Variants in RYR3 observed in about 807,000 individuals in gnomAD.
RYR3 encodes brain ryanodine receptor-calcium release channel.
RYR3 carries 207 observed loss-of-function variants against 584.3 expected under a neutral mutation model. The ratio of observed to expected loss-of-function variants is 0.35; its 90% confidence interval spans 0.32 to 0.40. The LOEUF (loss-of-function observed/expected upper bound fraction) is 0.40, where lower values mean the gene tolerates loss of function less well. Ranked by LOEUF, RYR3 falls within the 10% of genes least tolerant of loss-of-function variation. The pLI, the probability that RYR3 is intolerant of heterozygous loss-of-function variation, is 1.00. For missense variants in RYR3, 5,616 were observed against 6,089.2 expected (o/e 0.92, Z 2.59); for synonymous variants, 2,416 against 2,248.5 (o/e 1.07, Z -2.11).
chr15:33,461,013 T>G (rs2676091), intron 1 of RYR3, among the ~76,000 whole-genome samples: 10 of 143,100 alleles, frequency 7.0e-5, no homozygotes, highest in Non-Finnish European at 1.1e-4. Context: ...GGCGTGATCT[T>G]GGCTCACTGC....
chr15:33,367,762 T>C (rs1975708525), intron 1 of RYR3, among the ~76,000 whole-genome samples: 1 of 152,188 alleles, frequency 6.6e-6, no homozygotes, highest in Non-Finnish European at 1.5e-5. Context: ...CTGAAACTAA[T>C]CCTGGTAGCA....
intron 1 of RYR3, among the ~76,000 whole-genome samples, chr15:33,382,258 G>GT (rs1164129177): frequency 2.0e-5 from 3 of 150,886 alleles, no homozygotes; most frequent in Non-Finnish European, 4.4e-5. Context: ...TTAAAACTTG[G>GT]TTGTGCATTA....
At chr15:33,698,134 G>C in intron 40 of RYR3, 138 bp downstream of exon 40, 2 of 654,168 alleles carry the variant, frequency 3.1e-6, no homozygotes, top group Non-Finnish European at 5.6e-6. Context: ...ACAGTGCCAA[G>C]AAGGAGCCAA....
At chr15:33,472,411 A>G (rs11858432) in intron 1 of RYR3, among the ~76,000 whole-genome samples, 21,324 of 152,254 alleles carry the variant, frequency 0.14, 3,879 homozygotes, top group African/African-American at 0.42. Flanking sequence ...CTTTCCAACA[A>G]GACAATCTCT....
intron 1 of RYR3, among the ~76,000 whole-genome samples, chr15:33,420,543 G>A (rs576438847): frequency 1.3e-5 from 2 of 152,232 alleles, no homozygotes; most frequent in African/African-American, 4.8e-5. Flanking sequence ...TCCTGATGAG[G>A]TAGAAATCTA....
chr15:33,543,956 T>C (rs1019461041), intron 8 of RYR3, among the ~76,000 whole-genome samples: 7 of 152,192 alleles, frequency 4.6e-5, no homozygotes, highest in Non-Finnish European at 7.4e-5. Context: ...CCCTTCATTT[T>C]CTTTGGCTCT....
intron 52 of RYR3, among the ~76,000 whole-genome samples, chr15:33,744,333 A>G (rs576018734): frequency 6.6e-6 from 1 of 152,170 alleles, no homozygotes; most frequent in Non-Finnish European, 1.5e-5. Context: ...TCAATTTTAC[A>G]TTCACTTGTA....
chr15:33,825,782 G>T lies in RYR3; in HGVS notation c.11146+106G>T, dbSNP rs569700061. On this transcript the variant is annotated intron_variant, in intron 82 of 103. Coordinates refer to ENST00000634891, the MANE Select transcript of RYR3 (RefSeq NM_001036.6). ...AGTTTCGCTCTTGTTGCTCAGGCTG[G>T]ACTGCAGTGGCGCGATCTCACCTCA... The T allele has an allele frequency of 5.6e-5, 39 of 695,670 alleles. No homozygotes were observed. In the South Asian group the frequency reaches 7.2e-4, roughly 13 times the overall value. The allele number at this position is 695,670 out of a possible 1,614,324, so 43.1% of individuals were successfully genotyped here. A position where few individuals can be genotyped will look rare whatever the true frequency, so the allele number is the denominator to read the frequency against.
chr15:33,488,783 G>A (rs1353334048), intron 2 of RYR3, among the ~76,000 whole-genome samples: 4 of 152,028 alleles, frequency 2.6e-5, no homozygotes, highest in Non-Finnish European at 5.9e-5. Context: ...CCCAGGAGGC[G>A]GGGGTTGCAG....
chr15:33,663,686 G>T lies in RYR3; in HGVS notation c.5568G>T (p.Ala1856=). 2 of 1,611,908 alleles carry T rather than the reference G, an allele frequency of 1.2e-6. No individual in the cohort carries two copies. The highest frequency in any genetic ancestry group is 1.7e-6 in the Non-Finnish European group (2 of 1,179,324). ...NELMQALNMS[A]ALTARKTKEF... ...TCATGCAGGCCCTGAACATGTCTGC[G>T]GCCCTGACTGCCCGGAAGACCAAGG... The change falls in exon 36 of 104, where the codon GCG becomes GCT. Residue 1856 remains alanine, a synonymous_variant. Coordinates refer to ENST00000634891, the MANE Select transcript of RYR3 (RefSeq NM_001036.6).
Position 33,601,532 on chromosome 15 carries a change from A to T in RYR3, c.1902A>T (p.Arg634=). Residue 634 remains arginine (R), a synonymous_variant, in exon 17 of 104, where the codon CGA becomes CGT. Coordinates refer to ENST00000634891, the MANE Select transcript of RYR3 (RefSeq NM_001036.6). ...LPRRNLLLQT[R]LINDVTSIRP... is the part of the protein sequence containing the mutation. Reference sequence around the variant, plus strand: ...GGAGAAACCTACTCCTGCAGACACGACTGATTAACGATGTAACCAGGTAAG... The same window carrying T: ...GGAGAAACCTACTCCTGCAGACACGTCTGATTAACGATGTAACCAGGTAAG... The T allele has an allele frequency of 6.2e-7, 1 of 1,613,728 alleles. No homozygotes were observed. The highest frequency in any genetic ancestry group is 8.5e-7 in the Non-Finnish European group (1 of 1,179,798).
chr15:33,631,261 G>A lies in RYR3; in HGVS notation c.2835G>A (p.Glu945=), dbSNP rs2152631552. The change falls in exon 23 of 104, where the codon GAG becomes GAA. Residue 945 remains glutamate (E), a synonymous_variant. Transcript: ENST00000634891. ...TTGCTCATGTTAACCCAGCTGCTGA[G>A]GAGGATCTCAAGAAGGTCAAACTGC... is the stretch of plus-strand genomic sequence containing the variant. ...CHIAHVNPAA[E]EDLKKVKLPK... 4.4e-6 allele frequency: 7 copies of A among 1,590,576 alleles called. No individual in the cohort carries two copies. Among genetic ancestry groups the A allele is most frequent in the Non-Finnish European group, 4.3e-6 (5 of 1,167,594 alleles).
intron 69 of RYR3, among the ~76,000 whole-genome samples, chr15:33,802,828 C>T (rs2075989776): frequency 6.6e-6 from 1 of 152,196 alleles, no homozygotes; most frequent in African/African-American, 2.4e-5. Flanking sequence ...CTGAGATGTG[C>T]ATCTCTCTCA....
At chr15:33,421,227 AT>A (rs1555464421) in intron 1 of RYR3, among the ~76,000 whole-genome samples, 1 of 152,218 alleles carries the variant, frequency 6.6e-6, no homozygotes, top group Non-Finnish European at 1.5e-5. Flanking sequence ...GAGGACAGAT[AT>A]TAGAAGATGT....
At chr15:33,722,658 A>T (rs2152808088) in intron 43 of RYR3, 57 bp from the exon 44 acceptor site, 1 of 1,499,478 alleles carries the variant, frequency 6.7e-7, no homozygotes, top group Non-Finnish European at 9.3e-7. Flanking sequence ...ATCAACTAGA[A>T]ATAAATTCTG....
intron 64 of RYR3, among the ~76,000 whole-genome samples, chr15:33,775,032 G>GA (rs538200139): frequency 0.013 from 1,835 of 140,988 alleles, 34 homozygotes; most frequent in African/African-American, 0.043. Context: ...TTCTTCTCTT[G>GA]AAAAAAAAAA....
intron 1 of RYR3, among the ~76,000 whole-genome samples, chr15:33,316,468 A>G (rs1968187647): frequency 6.6e-6 from 1 of 152,210 alleles, no homozygotes. Context: ...TATCAGTATA[A>G]ACCTTTCTAA....
chr15:33,483,935 A>C (rs773905566), intron 2 of RYR3, among the ~76,000 whole-genome samples: 2 of 152,170 alleles, frequency 1.3e-5, no homozygotes, highest in Non-Finnish European at 2.9e-5. Flanking sequence ...CTTAGAAGAA[A>C]ATTTAATTAA....
At chr15:33,603,477 C>T (rs2059770410) in intron 18 of RYR3, 113 bp downstream of exon 18, 2 of 1,140,626 alleles carry the variant, frequency 1.8e-6, no homozygotes, top group South Asian at 3.2e-5. Flanking sequence ...TCAAGAGTCT[C>T]AACTAATTAA....
Sources: allele counts gnomAD v4.1 joint callset (sites outside exome capture counted in the v4.1 genomes callset), GRCh38; gene constraint gnomAD v4.1.1; transcripts MANE v1.5; gene names NCBI Gene and HGNC (gene_info 2026-07-23, HGNC 2026-07-21).